Variants in PCDH15 observed in about 807,000 individuals in gnomAD.
PCDH15 encodes protocadherin related 15.
In PCDH15, 129 loss-of-function variants were observed where a neutral mutation model predicts 178.5. The ratio of observed to expected loss-of-function variants is 0.72; its 90% CI spans 0.63 to 0.84. The LOEUF is 0.84. Ranked by LOEUF, PCDH15 falls within the 40% of genes least tolerant of loss-of-function variation. The probability of loss-of-function intolerance (pLI) is 0.00; values close to 1 mark genes in which losing one functional copy is unlikely to be tolerated. For synonymous variants in PCDH15, 800 were observed against 732.0 expected (o/e 1.09, Z -1.50); for missense variants, 2,230 against 2,099.9 (o/e 1.06, Z -1.21).
In PCDH15 at chr10:54,377,998, A is replaced by C. The variant is rs547246898; in HGVS notation, c.318+784T>G. ...CATTGGTGTGATCATAGTTCACTGC[A>C]GCCTCCACTCCCCAACCCCAAGCTC... On this transcript the variant is annotated intron_variant, in intron 4 of 37. Transcript: ENST00000644397. Among the ~76,000 whole-genome samples the C allele has an allele frequency of 2.6e-5, 4 of 151,998 alleles. No homozygotes were observed. In the East Asian group the frequency reaches 7.8e-4, roughly 29 times the overall value.
chr10:55,509,993 G>A (rs960281708), intron 2 of PCDH15, among the ~76,000 whole-genome samples: 9 of 151,836 alleles, frequency 5.9e-5, no homozygotes, highest in Non-Finnish European at 1.0e-4. Flanking sequence ...ATTAGAACTC[G>A]AGTCTCCTGA....
At chr10:54,119,896 A>G (rs1178210577) in intron 15 of PCDH15, among the ~76,000 whole-genome samples, 1 of 152,064 alleles carries the variant, frequency 6.6e-6, no homozygotes, top group African/African-American at 2.4e-5. Flanking sequence ...TACATTAGGT[A>G]TATCTCCTAA....
rs56234985 is a variant in PCDH15 at position 55,225,650 on chromosome 10, TGA to T, written c.-155-59001_-155-59000del. On this transcript the variant is annotated intron_variant, in intron 1 of 5. Coordinates refer to the PCDH15 transcript ENST00000458638. Reference sequence around the variant, plus strand: ...GTGTGTGTGTTTGTGTGTGTGTGTGTGAGAGAGAGAGAGAGAGAGAGAAACGG... The same window carrying T: ...GTGTGTGTGTTTGTGTGTGTGTGTGTGAGAGAGAGAGAGAGAGAGAAACGG... Among the ~76,000 whole-genome samples, 516 of 147,730 alleles carry T rather than the reference TGA, an allele frequency of 3.5e-3. 4 individuals carry two copies. The highest frequency in any genetic ancestry group is 0.01 in the African/African-American group (411 of 40,148).
At chr10:53,931,398 G>A (rs1042159223) in intron 25 of PCDH15, among the ~76,000 whole-genome samples, 2 of 152,050 alleles carry the variant, frequency 1.3e-5, no homozygotes, top group Non-Finnish European at 2.9e-5. Flanking sequence ...TCACAATCTG[G>A]CCTTAATTTT....
intron 6 of PCDH15, among the ~76,000 whole-genome samples, chr10:54,343,930 C>T (rs1942759573): frequency 6.6e-6 from 1 of 151,866 alleles, no homozygotes; most frequent in Non-Finnish European, 1.5e-5. Flanking sequence ...GAAGAATTTA[C>T]AATATTTTGC....
At chr10:54,278,530 G>T (rs2058478873) in intron 8 of PCDH15, among the ~76,000 whole-genome samples, 1 of 151,560 alleles carries the variant, frequency 6.6e-6, no homozygotes, top group African/African-American at 2.4e-5. Context: ...CTATTAAGAT[G>T]ATGGTAAATT....
chr10:55,360,973 A>G (rs1845212901), intron 2 of PCDH15, among the ~76,000 whole-genome samples: 2 of 152,020 alleles, frequency 1.3e-5, no homozygotes, highest in African/African-American at 4.8e-5. Flanking sequence ...AAATGATGGT[A>G]TATTCATAGA....
intron 2 of PCDH15, among the ~76,000 whole-genome samples, chr10:54,570,469 A>C (rs2133557818): frequency 6.6e-6 from 1 of 152,250 alleles, no homozygotes; most frequent in Non-Finnish European, 1.5e-5. Context: ...TGTCTTGATT[A>C]ACTTTTACTT....
intron 2 of PCDH15, among the ~76,000 whole-genome samples, chr10:55,482,612 A>AT (rs951320720): frequency 4.6e-5 from 7 of 151,518 alleles, no homozygotes; most frequent in African/African-American, 1.7e-4. Context: ...CTGGATTGGA[A>AT]TTTTTTTCCT....
intron 2 of PCDH15, among the ~76,000 whole-genome samples, chr10:55,541,032 G>A (rs921949613): frequency 1.3e-5 from 2 of 151,942 alleles, no homozygotes; most frequent in South Asian, 2.1e-4. Flanking sequence ...TTTGTATGCC[G>A]ACATAGGATT....
At chr10:53,911,987 CA>C (rs1432104818) in intron 25 of PCDH15, among the ~76,000 whole-genome samples, 1 of 151,982 alleles carries the variant, frequency 6.6e-6, no homozygotes. Flanking sequence ...GGCAGAGACA[CA>C]ACAAAAAAAG....
chr10:54,490,769 G>A (rs2079521597), intron 3 of PCDH15, among the ~76,000 whole-genome samples: 1 of 152,078 alleles, frequency 6.6e-6, no homozygotes, highest in African/African-American at 2.4e-5. Context: ...TATTTCATAT[G>A]TAGGGCTTTT....
chr10:54,893,273 A>T (rs1345600212), intron 3 of PCDH15, among the ~76,000 whole-genome samples: 1 of 151,924 alleles, frequency 6.6e-6, no homozygotes. Context: ...ACCCAGATTT[A>T]AAAAAATATG....
intron 20 of PCDH15, among the ~76,000 whole-genome samples, chr10:54,008,747 A>T (rs1474465520): frequency 6.6e-6 from 1 of 152,150 alleles, no homozygotes; most frequent in African/African-American, 2.4e-5. Context: ...GTCCAAAATC[A>T]TCAATAAATG....
At chr10:53,924,445 G>A (rs954834074) in intron 25 of PCDH15, among the ~76,000 whole-genome samples, 9 of 152,218 alleles carry the variant, frequency 5.9e-5, no homozygotes, top group South Asian at 4.1e-4. Context: ...CCTGCAGCCC[G>A]CCATGCTGGA....
At chr10:54,660,879 C>T (rs2094479054) in intron 2 of PCDH15, among the ~76,000 whole-genome samples, 1 of 151,808 alleles carries the variant, frequency 6.6e-6, no homozygotes, top group South Asian at 2.1e-4. Flanking sequence ...ATCTCAATAC[C>T]TGCAGAAAAA....
chr10:55,464,075 G>GAAAA (rs1565166266), intron 2 of PCDH15, among the ~76,000 whole-genome samples: 4 of 111,902 alleles, frequency 3.6e-5, no homozygotes, highest in Admixed American at 9.5e-5. Context: ...AGGAAAGAAA[G>GAAAA]GGAAAGAAGA....
chr10:55,349,120 T>C (rs181750200), intron 2 of PCDH15, among the ~76,000 whole-genome samples: 36 of 152,202 alleles, frequency 2.4e-4, no homozygotes, highest in Admixed American at 9.2e-4. Context: ...CTCTACTGGA[T>C]TTATTATGTC....
At chr10:55,497,951 A>T (rs1840572415) in intron 2 of PCDH15, among the ~76,000 whole-genome samples, 1 of 151,858 alleles carries the variant, frequency 6.6e-6, no homozygotes. Context: ...GAATCTTGTG[A>T]TTTAAATTCT....
Sources: gnomAD v4.1 joint callset for allele counts (sites outside exome capture counted in the v4.1 genomes callset) on GRCh38, gnomAD v4.1.1 for gene constraint, MANE v1.5 for transcripts, NCBI Gene and HGNC (gene_info 2026-07-23, HGNC 2026-07-21) for gene names.